MYO16: variants seen among roughly 807,000 people sequenced by gnomAD.
The protein encoded by MYO16 is unconventional myosin-XVI.
In MYO16, 94 loss-of-function variants were observed where a neutral mutation model predicts 205.3. The observed-to-expected ratio is 0.46, with a 90% CI of 0.39 to 0.54. The LOEUF (loss-of-function observed/expected upper bound fraction) is 0.54. Ranked by LOEUF, MYO16 falls within the 20% of genes least tolerant of loss-of-function variation. The pLI is 0.00. For missense variants in MYO16, 2,315 were observed against 2,387.5 expected (o/e 0.97, Z 0.63); for synonymous variants, 988 against 954.0 (o/e 1.04, Z -0.66).
intron 28 of MYO16, among the ~76,000 whole-genome samples, chr13:109,109,766 C>T (rs944111076): frequency 1.1e-4 from 16 of 152,304 alleles, no homozygotes; most frequent in African/African-American, 3.1e-4. Context: ...GGAAAAGACT[C>T]GGCCCTTTAG....
In MYO16 at chr13:108,782,749, A is replaced by T. The variant is rs371764840; in HGVS notation, c.508-2886A>T. ...TGGTGCCATGTGTCCCAGCTGCTCC[A>T]GCCATGGTTGAATGGGGCCAATGTA... On this transcript the variant is annotated intron_variant, in intron 4 of 34. Coordinates refer to ENST00000457511, the MANE Select transcript of MYO16 (RefSeq NM_001198950.3). 6.6e-5 allele frequency among the ~76,000 whole-genome samples: 10 copies of T among 152,206 alleles called. 1 individual carries two copies. In the South Asian group the frequency reaches 2.1e-3, roughly 32 times the overall value.
the MYO16 span, among the ~76,000 whole-genome samples, chr13:108,523,226 G>A: frequency 6.6e-6 from 1 of 152,094 alleles, no homozygotes; most frequent in African/African-American, 2.4e-5. Flanking sequence ...GTGGACCTTG[G>A]TCCAGTGAGC....
chr13:108,714,049 T>C (rs1883828002), intron 3 of MYO16, among the ~76,000 whole-genome samples: 2 of 152,090 alleles, frequency 1.3e-5, no homozygotes, highest in South Asian at 4.1e-4. Flanking sequence ...CCTGTTTTTT[T>C]GTTTGTTTTT....
chr13:108,912,235 C>G (rs1414783175), intron 16 of MYO16, among the ~76,000 whole-genome samples: 1 of 152,112 alleles, frequency 6.6e-6, no homozygotes, highest in African/African-American at 2.4e-5. Context: ...TTTACAATCA[C>G]ATTACTAATT....
intron 23 of MYO16, among the ~76,000 whole-genome samples, chr13:109,023,950 TATAA>T (rs1379655123): frequency 7.0e-6 from 1 of 141,848 alleles, no homozygotes; most frequent in African/African-American, 2.5e-5. Context: ...AATATATGTA[TATAA>T]ATATATACTA....
At chr13:109,041,306 C>T (rs1238616825) in intron 23 of MYO16, among the ~76,000 whole-genome samples, 1 of 152,136 alleles carries the variant, frequency 6.6e-6, no homozygotes, top group African/African-American at 2.4e-5. Context: ...CCCAGATTGA[C>T]ATATAGGCTA....
chr13:108,766,760 C>T (rs1566594649), intron 4 of MYO16, among the ~76,000 whole-genome samples: 1 of 152,084 alleles, frequency 6.6e-6, no homozygotes, highest in Admixed American at 6.6e-5. Context: ...CATAGGTTTG[C>T]TTGTCTTTTT....
chr13:108,500,377 C>G, the MYO16 span, among the ~76,000 whole-genome samples: 6 of 151,452 alleles, frequency 4.0e-5, no homozygotes, highest in Admixed American at 2.6e-4. Flanking sequence ...TTACAGGCGC[C>G]TGCCACCACG....
chr13:108,510,441 TA>T, the MYO16 span, among the ~76,000 whole-genome samples: 33 of 129,312 alleles, frequency 2.6e-4, no homozygotes, highest in East Asian at 2.0e-3. Flanking sequence ...TTTTTTTTTT[TA>T]TATTTAACAT....
intron 7 of MYO16, among the ~76,000 whole-genome samples, chr13:108,808,732 ATTAG>A (rs150929425): frequency 0.017 from 2,640 of 152,278 alleles, 66 homozygotes; most frequent in African/African-American, 0.06. Context: ...AAAATCTGTA[ATTAG>A]TTTGAGTGAT....
intron 1 of MYO16, among the ~76,000 whole-genome samples, chr13:108,655,941 C>A (rs577903627): frequency 5.3e-5 from 8 of 152,212 alleles, no homozygotes; most frequent in Admixed American, 2.6e-4. Flanking sequence ...AGCTTGCTTT[C>A]GATTTTACAG....
chr13:108,952,130 TAAATAAATAAATAAA>T (rs1363616035), intron 16 of MYO16, among the ~76,000 whole-genome samples: 1 of 149,926 alleles, frequency 6.7e-6, no homozygotes, highest in African/African-American at 2.5e-5. Context: ...AATAAATAAA[TAAATAAATAAATAAA>T]TAAATAAATA....
rs1880634699 is a variant in MYO16 at position 109,207,114 on chromosome 13, C to G, written c.*278C>G. ...CTACCCCTAGGTAGCAAGAGAGAGG[C>G]TGGGAAAAGTGTGGACGTGGCCAGA... is the stretch of plus-strand genomic sequence containing the variant. On this transcript the variant is annotated 3_prime_UTR_variant, in exon 35 of 35. Coordinates refer to ENST00000457511, the MANE Select transcript of MYO16 (RefSeq NM_001198950.3). The G allele has an allele frequency of 2.5e-6, 1 of 404,274 alleles. No individual in the cohort carries two copies. The highest frequency in any genetic ancestry group is 4.5e-6 in the Non-Finnish European group (1 of 220,542). 25.0% of individuals were successfully genotyped at this position (404,274 alleles called of 1,614,324 possible).
At chr13:108,847,499 CA>C (rs1877582902) in intron 10 of MYO16, among the ~76,000 whole-genome samples, 1 of 151,890 alleles carries the variant, frequency 6.6e-6, no homozygotes, top group African/African-American at 2.4e-5. Context: ...GAAAGCTTTC[CA>C]AAACACTTTT....
intron 20 of MYO16, among the ~76,000 whole-genome samples, chr13:108,973,092 A>G (rs564160198): frequency 6.6e-6 from 1 of 152,088 alleles, no homozygotes; most frequent in African/African-American, 2.4e-5. Flanking sequence ...TTAAGTATAA[A>G]AGTAGCAATG....
Position 109,140,622 on chromosome 13 carries a change from C to A in MYO16, c.4410C>A (p.Gly1470=). Residue 1470 remains glycine, a synonymous_variant, in exon 32 of 35, where the codon GGC becomes GGA. Coordinates refer to ENST00000457511, the MANE Select transcript of MYO16 (RefSeq NM_001198950.3). This position sits in a 1 kb window ranked among gnomAD's most constrained non-coding sequence, Gnocchi z 8.0. ...CLPDDGGPGA[G]SFLLHGASPP... is the part of the protein sequence containing the mutation. ...CCGACGACGGCGGCCCGGGCGCGGG[C>A]TCCTTCCTGCTCCACGGCGCATCGC... The A allele has an allele frequency of 7.3e-6, 11 of 1,516,104 alleles. No homozygotes were observed. The highest frequency in any genetic ancestry group is 9.7e-6 in the Non-Finnish European group (11 of 1,137,376). 93.9% of individuals were successfully genotyped at this position (1,516,104 alleles called of 1,614,324 possible).
At chr13:108,860,723 G>A (rs1390073635) in intron 11 of MYO16, among the ~76,000 whole-genome samples, 1 of 152,138 alleles carries the variant, frequency 6.6e-6, no homozygotes, top group African/African-American at 2.4e-5. Context: ...AAATGGTGCT[G>A]GGACAACCGG....
At chr13:108,544,911 A>G in the MYO16 span, among the ~76,000 whole-genome samples, 8 of 152,238 alleles carry the variant, frequency 5.3e-5, no homozygotes, top group Admixed American at 2.6e-4. Context: ...AGTTCCATCA[A>G]TGCTGCTGCA....
intron 34 of MYO16, among the ~76,000 whole-genome samples, chr13:109,198,071 G>A (rs1257542147): frequency 1.3e-5 from 2 of 151,944 alleles, no homozygotes; most frequent in Non-Finnish European, 2.9e-5. Context: ...TTTCTTGCAG[G>A]AAAAAGAAAA....
Sources: allele counts gnomAD v4.1 joint callset (sites outside exome capture counted in the v4.1 genomes callset), GRCh38; gene constraint gnomAD v4.1.1; non-coding constraint Gnocchi (gnomAD v3.1); transcripts MANE v1.5; gene names NCBI Gene and HGNC (gene_info 2026-07-23, HGNC 2026-07-21).